RICTOR: variants seen among roughly 807,000 people sequenced by gnomAD.
RICTOR encodes RPTOR independent companion of MTOR complex 2, also known as rapamycin-insensitive companion of mTOR.
Under a neutral mutation model 214.9 loss-of-function variants are expected in RICTOR, and 49 were observed. The ratio of observed to expected loss-of-function variants is 0.23; its 90% CI spans 0.18 to 0.29. The LOEUF is 0.29. Among genes scored for constraint, RICTOR ranks in the 10% least tolerant of loss-of-function variants. The probability of loss-of-function intolerance (pLI) is 1.00; values close to 1 mark genes in which losing one functional copy is unlikely to be tolerated. For synonymous variants in RICTOR, 717 were observed against 711.3 expected (o/e 1.01, Z -0.13); for missense variants, 1,625 against 2,047.0 (o/e 0.79, Z 3.98).
chr5:38,949,766 G>C lies in RICTOR; in HGVS notation c.4082C>G (p.Thr1361Ser), dbSNP rs141067436. The C allele has an allele frequency of 6.2e-7, 1 of 1,613,266 alleles. No homozygotes were observed. The highest frequency in any genetic ancestry group is 8.5e-7 in the Non-Finnish European group (1 of 1,179,502). Residue 1361 changes from threonine to serine, a missense_variant, in exon 31 of 38, where the codon ACT becomes AGT. Transcript: ENST00000357387. ...GTTGGCCTTCATGGTGATGGTATCA[G>C]TAAATAGCACATCTTTTGCTGGAGA... The part of the protein sequence containing the change: ...LASPAKDVLF[T>S]DTITMKANSF...
intron 2 of RICTOR, among the ~76,000 whole-genome samples, chr5:39,055,440 A>C: frequency 9.3e-6 from 1 of 107,918 alleles, no homozygotes; most frequent in African/African-American, 3.7e-5. Flanking sequence ...TCTTTTTCAC[A>C]TACCTGATTT....
In RICTOR at chr5:38,949,719, G is replaced by T. The variant is rs771578588; in HGVS notation, c.4129C>A (p.Pro1377Thr). 2 of 1,612,006 alleles carry T rather than the reference G, an allele frequency of 1.2e-6. No individual in the cohort carries two copies. ...KANSFESRLT[P>T]SRFMKALSYA... ...AAACATATATTTGCTTACCTGCTTGGTGTTAATCTGGACTCAAAACTGTTG... is the reference window on the plus strand; with the variant it reads ...AAACATATATTTGCTTACCTGCTTGTTGTTAATCTGGACTCAAAACTGTTG... Residue 1377 changes from proline (P) to threonine (T), a missense_variant, in exon 31 of 38, where the codon CCA becomes ACA. Transcript: ENST00000357387.
chr5:38,969,470 A>G (rs1750554382), intron 11 of RICTOR, among the ~76,000 whole-genome samples: 1 of 151,928 alleles, frequency 6.6e-6, no homozygotes, highest in Admixed American at 6.6e-5. Context: ...ACAGTAAGCT[A>G]ATTATTTTTG....
At chr5:39,056,555 T>C (rs761072034) in intron 2 of RICTOR, among the ~76,000 whole-genome samples, 3 of 151,910 alleles carry the variant, frequency 2.0e-5, no homozygotes, top group Non-Finnish European at 4.4e-5. Flanking sequence ...CAGGATCACT[T>C]GAGTCCAGGA....
At chr5:38,964,470 A>T (rs1168228208) in intron 16 of RICTOR, among the ~76,000 whole-genome samples, 1 of 151,862 alleles carries the variant, frequency 6.6e-6, no homozygotes, top group Admixed American at 6.6e-5. Flanking sequence ...TAGACATAAA[A>T]AAAAGAGCCA....
chr5:38,964,963 C>T (rs961622644), intron 15 of RICTOR, 71 bp from the exon 16 acceptor site: 1 of 865,514 alleles, frequency 1.2e-6, no homozygotes, highest in Non-Finnish European at 1.9e-6. Flanking sequence ...ATTACCTGCA[C>T]ATATAATGCT....
At chr5:39,066,394 G>A (rs1758908771) in intron 2 of RICTOR, among the ~76,000 whole-genome samples, 1 of 152,158 alleles carries the variant, frequency 6.6e-6, no homozygotes, top group South Asian at 2.1e-4. Flanking sequence ...TAGGCCTCTG[G>A]GCCTATGATG....
intron 3 of RICTOR, 70 bp downstream of exon 3, chr5:39,020,969 C>T (rs769382833): frequency 2.3e-4 from 186 of 807,714 alleles, no homozygotes; most frequent in Non-Finnish European, 2.1e-4. Flanking sequence ...TAATGATGGT[C>T]AAGAAACATT....
In RICTOR at chr5:39,038,314, G is replaced by T. The variant is rs147008280; in HGVS notation, c.98-17178C>A. Among the ~76,000 whole-genome samples, 990 of 152,178 alleles carry T rather than the reference G, an allele frequency of 6.5e-3. 1 individual carries two copies. Among genetic ancestry groups the T allele is most frequent in the Non-Finnish European group, 9.3e-3 (632 of 68,000 alleles). On this transcript the variant is annotated intron_variant, in intron 2 of 37. Coordinates refer to ENST00000357387, the MANE Select transcript of RICTOR (RefSeq NM_152756.5). ...TCAATAAGTTAGGTGTTGATGGGAC[G>T]TATCTCAAAATAATAAGAGCTATTT...
intron 2 of RICTOR, among the ~76,000 whole-genome samples, chr5:39,071,717 G>T (rs1759337241): frequency 6.6e-6 from 1 of 152,130 alleles, no homozygotes. Flanking sequence ...CACATTGATG[G>T]ATCCTTTAGG....
chr5:39,052,857 C>T (rs13354769), intron 2 of RICTOR, among the ~76,000 whole-genome samples: 2,871 of 152,254 alleles, frequency 0.019, 94 homozygotes, highest in African/African-American at 0.065. Flanking sequence ...TTCTATTTTA[C>T]GATTCCACAC....
At chr5:38,957,975 C>G (rs1490897902) in intron 24 of RICTOR, among the ~76,000 whole-genome samples, 1 of 152,166 alleles carries the variant, frequency 6.6e-6, no homozygotes, top group Admixed American at 6.6e-5. Context: ...CGGGGGCTCA[C>G]GCCTGTAATT....
At chr5:39,062,460 T>A (rs1157325778) in intron 2 of RICTOR, among the ~76,000 whole-genome samples, 1 of 151,918 alleles carries the variant, frequency 6.6e-6, no homozygotes, top group Non-Finnish European at 1.5e-5. Flanking sequence ...GTGACGGTAG[T>A]GTGGTAAACA....
chr5:38,964,688 C>A, intron 16 of RICTOR, 104 bp downstream of exon 16: 1 of 504,526 alleles, frequency 2.0e-6, no homozygotes, highest in Non-Finnish European at 3.4e-6. Flanking sequence ...AAAGAATTTC[C>A]CACCATAACC....
chr5:39,071,777 T>C (rs547757935), intron 2 of RICTOR, among the ~76,000 whole-genome samples: 4 of 152,310 alleles, frequency 2.6e-5, no homozygotes, highest in East Asian at 3.9e-4. Flanking sequence ...ATTAGGTAAC[T>C]ACACAATGAA....
rs772035277 is a variant in RICTOR, at chr5:38,952,308, T to C, written c.3015A>G (p.Pro1005=). Residue 1005 remains proline (P), a synonymous_variant, in exon 30 of 38, where the codon CCA becomes CCG. Coordinates refer to ENST00000357387, the MANE Select transcript of RICTOR (RefSeq NM_152756.5). ...HSRKHLWPVV[P]DDVEQLCNEL... ...CATTACAGAGTTGTTCCACATCATC[T>C]GGAACCACTGGCCACAGATGTTTGC... The C allele has an allele frequency of 4.3e-5, 70 of 1,612,896 alleles. 2 individuals carry two copies. In the South Asian group the frequency reaches 7.4e-4, roughly 17 times the overall value.
chr5:39,018,351 A>G (rs78547083), intron 3 of RICTOR, among the ~76,000 whole-genome samples: 6,089 of 152,222 alleles, frequency 0.04, 222 homozygotes, highest in African/African-American at 0.086. Flanking sequence ...TTTATGAAAT[A>G]TGGCACACAT....
At position 38,941,416 on chromosome 5, in the gene RICTOR, T is replaced by C. The variant is rs1747560337; in HGVS notation, c.*888A>G. 4.3e-6 allele frequency: 1 copy of C among 231,958 alleles called. No homozygotes were observed. The highest frequency in any genetic ancestry group is 8.5e-6 in the Non-Finnish European group (1 of 117,110). The allele number at this position is 231,958 out of a possible 1,614,324, so 14.4% of individuals were successfully genotyped here. On this transcript the variant is annotated 3_prime_UTR_variant, in exon 38 of 38. Transcript: ENST00000357387. ...TTTCCTCAGGAGATCCAAAGTATTA[T>C]TTAATGCTTTCCTATCCTTTAGGTC... is the stretch of plus-strand genomic sequence containing the variant.
At chr5:38,952,514 G>C (rs1748881315) in intron 29 of RICTOR, 89 bp from the exon 30 acceptor site, 1 of 847,578 alleles carries the variant, frequency 1.2e-6, no homozygotes, top group East Asian at 2.7e-5. Context: ...TACATACTTT[G>C]AACTTTCTCT....
Sources: gnomAD v4.1 joint callset for allele counts (sites outside exome capture counted in the v4.1 genomes callset) on GRCh38, gnomAD v4.1.1 for gene constraint, MANE v1.5 for transcripts, NCBI Gene and HGNC (gene_info 2026-07-23, HGNC 2026-07-21) for gene names.